The following SLIT3 variants were observed in gnomAD, a reference collection of about 807,000 sequenced individuals.
SLIT3 encodes the protein slit guidance ligand 3.
In SLIT3, 68 loss-of-function variants were observed where a neutral mutation model predicts 184.0. The ratio of observed to expected loss-of-function variants is 0.37; its 90% confidence interval spans 0.30 to 0.45. SLIT3 has a LOEUF of 0.45. Ranked by LOEUF, SLIT3 falls within the 20% of genes least tolerant of loss-of-function variation. SLIT3 has a pLI of 1.00. For missense variants in SLIT3, 1,707 were observed against 2,026.0 expected (o/e 0.84, Z 3.02); for synonymous variants, 831 against 828.6 (o/e 1.00, Z -0.05).
rs553401705 is a variant in SLIT3 at position 168,821,017 on chromosome 5, G to A, written c.629+2243C>T. Among the ~76,000 whole-genome samples the A allele has an allele frequency of 2.0e-5, 3 of 152,062 alleles. No individual in the cohort carries two copies. The South Asian group carries it at 6.2e-4, about 32-fold the overall frequency. Reference sequence around the variant, plus strand: ...GGGATTAGTCAGCTCAAGTCTCCAGGGAGTTCTGTACAGAGCCATCTCTGA... The same window carrying A: ...GGGATTAGTCAGCTCAAGTCTCCAGAGAGTTCTGTACAGAGCCATCTCTGA... On this transcript the variant is annotated intron_variant, in intron 7 of 35. Transcript: ENST00000519560.
chr5:168,817,463 C>T lies in SLIT3; in HGVS notation c.630G>A (p.Leu210=). The part of the protein sequence containing the change: ...SFNHMPKIRT[L]RLHSNHLYCD... ...AGTACAGGTGGTTGGAGTGGAGGCG[C>T]CTGGGAGAGGGCGGGACAGAGAGAA... The change falls in exon 8 of 36, where the codon CTG becomes CTA. Residue 210 remains leucine (L), a splice_region_variant and synonymous_variant. Transcript: ENST00000519560. 1 of 1,613,086 alleles carries T rather than the reference C, an allele frequency of 6.2e-7. No individual in the cohort carries two copies. Among genetic ancestry groups the T allele is most frequent in the Non-Finnish European group, 8.5e-7 (1 of 1,179,878 alleles).
chr5:168,932,613 C>G (rs759006626), intron 4 of SLIT3, among the ~76,000 whole-genome samples: 8 of 152,116 alleles, frequency 5.3e-5, no homozygotes, highest in Non-Finnish European at 1.0e-4. Context: ...CGTGGGGCAG[C>G]CTGGTGGGCA....
chr5:168,855,048 G>A (rs1233113889), intron 5 of SLIT3, among the ~76,000 whole-genome samples: 2 of 152,174 alleles, frequency 1.3e-5, no homozygotes, highest in African/African-American at 4.8e-5. Flanking sequence ...AATAATGAAT[G>A]CCTGAACTTA....
intron 4 of SLIT3, among the ~76,000 whole-genome samples, chr5:169,137,305 TACACACACAC>T (rs747552567): frequency 2.2e-5 from 3 of 136,004 alleles, no homozygotes; most frequent in African/African-American, 5.6e-5. Flanking sequence ...TCTATCTACA[TACACACACAC>T]ACACACACAC....
intron 4 of SLIT3, among the ~76,000 whole-genome samples, chr5:169,028,546 T>C (rs1294235569): frequency 6.6e-6 from 1 of 152,280 alleles, no homozygotes; most frequent in African/African-American, 2.4e-5. Context: ...TGGCACATAG[T>C]TGGCACTTAA....
intron 4 of SLIT3, among the ~76,000 whole-genome samples, chr5:168,999,193 G>GGT (rs75995833): frequency 0.035 from 5,359 of 152,210 alleles, 117 homozygotes; most frequent in Middle Eastern, 0.051. Context: ...TGGGATTACA[G>GGT]GTGAGTCACC....
chr5:169,107,690 G>C (rs1362711107), intron 4 of SLIT3, among the ~76,000 whole-genome samples: 1 of 152,194 alleles, frequency 6.6e-6, no homozygotes, highest in Non-Finnish European at 1.5e-5. Context: ...GGGTCTGGCT[G>C]CCCGACTTCA....
intron 4 of SLIT3, among the ~76,000 whole-genome samples, chr5:168,886,674 G>A (rs1760228879): frequency 6.6e-6 from 1 of 152,166 alleles, no homozygotes; most frequent in Admixed American, 6.5e-5. Flanking sequence ...GGAGTAGGGT[G>A]CAGGAGTGGG....
Position 168,722,952 on chromosome 5 carries a change from T to G in SLIT3, c.2392A>C (p.Met798Leu), listed in dbSNP as rs775431250. The G allele has an allele frequency of 4.6e-5, 75 of 1,613,644 alleles. 1 individual carries two copies. In the East Asian group the frequency reaches 1.7e-3, roughly 36 times the overall value. Residue 798 changes from methionine (M) to leucine (L), a missense_variant, in exon 22 of 36, where the codon ATG becomes CTG. Met to Leu is a conservative substitution (Grantham distance 15). Transcript: ENST00000519560. ...ACTCACAGAGTGGAGAGGTGAGACA[T>G]GTTACTGAAGGTGTAATTGGTCAGC... is the stretch of plus-strand genomic sequence containing the variant. ...SMLTNYTFSN[M>L]SHLSTLILSY...
intron 1 of SLIT3, among the ~76,000 whole-genome samples, chr5:169,267,084 T>G (rs1431572575): frequency 9.2e-5 from 14 of 152,230 alleles, no homozygotes; most frequent in Non-Finnish European, 2.9e-5. Context: ...ACTTCACATT[T>G]GGGGCCTTTT....
intron 4 of SLIT3, among the ~76,000 whole-genome samples, chr5:168,920,805 C>T (rs899439490): frequency 5.6e-5 from 8 of 141,648 alleles, no homozygotes; most frequent in Non-Finnish European, 1.1e-4. Context: ...TCTCTCTCTC[C>T]CTATTTTTTT....
chr5:168,735,126 C>A (rs1763391835), intron 20 of SLIT3, among the ~76,000 whole-genome samples: 1 of 152,178 alleles, frequency 6.6e-6, no homozygotes, highest in East Asian at 1.9e-4. Flanking sequence ...CTTAGAACTG[C>A]CGGAGTGTTT....
chr5:169,141,475 C>G (rs1283768668), intron 4 of SLIT3, among the ~76,000 whole-genome samples: 1 of 151,186 alleles, frequency 6.6e-6, no homozygotes, highest in African/African-American at 2.4e-5. Context: ...TGTGGTGGCT[C>G]ATGCCTGTAA....
intron 4 of SLIT3, among the ~76,000 whole-genome samples, chr5:169,185,532 T>A (rs6881546): frequency 0.25 from 38,013 of 152,130 alleles, 6,257 homozygotes; most frequent in African/African-American, 0.45. Flanking sequence ...CCACTGGAAA[T>A]TTGGGTAGTA....
chr5:168,917,318 C>A (rs190002991), intron 4 of SLIT3, among the ~76,000 whole-genome samples: 25 of 152,314 alleles, frequency 1.6e-4, no homozygotes, highest in African/African-American at 5.8e-4. Context: ...TGGATTTTAA[C>A]GGCTCTGAAC....
chr5:168,798,023 A>G (rs1756628255), intron 9 of SLIT3, among the ~76,000 whole-genome samples: 1 of 152,110 alleles, frequency 6.6e-6, no homozygotes, highest in African/African-American at 2.4e-5. Context: ...TTCAGGGAAA[A>G]GCTGCAGGAG....
At chr5:169,110,992 C>T (rs1760390483) in intron 4 of SLIT3, among the ~76,000 whole-genome samples, 1 of 152,194 alleles carries the variant, frequency 6.6e-6, no homozygotes, top group South Asian at 2.1e-4. Flanking sequence ...CTACTACTAC[C>T]CCACAAGCCT....
chr5:168,898,229 A>G (rs1186094117), intron 4 of SLIT3, among the ~76,000 whole-genome samples: 1 of 152,126 alleles, frequency 6.6e-6, no homozygotes, highest in African/African-American at 2.4e-5. Flanking sequence ...ATATTCTCCT[A>G]TTGATCATAA....
At chr5:168,752,313 T>C (rs28646896) in intron 18 of SLIT3, 43,182 of 152,512 alleles carry the variant, frequency 0.28, 6,894 homozygotes, top group African/African-American at 0.43. Context: ...GGAACTGCAC[T>C]GTCCACTTTC....
Sources: allele counts gnomAD v4.1 joint callset (sites outside exome capture counted in the v4.1 genomes callset), GRCh38; gene constraint gnomAD v4.1.1; transcripts MANE v1.5; gene names NCBI Gene and HGNC (gene_info 2026-07-23, HGNC 2026-07-21).